Variants in ACSM5 observed in about 807,000 individuals in gnomAD.
The protein encoded by ACSM5 is acyl-coenzyme A synthetase ACSM5, mitochondrial.
ACSM5 carries 56 observed loss-of-function variants against 71.6 expected under a neutral mutation model. The observed-to-expected ratio is 0.78, with a 90% CI of 0.63 to 0.98. ACSM5 has a LOEUF of 0.98. ACSM5 is among the 50% of genes least tolerant of loss of function. The pLI is 0.00. For missense variants in ACSM5, 723 were observed against 726.0 expected (o/e 1.00, Z 0.05); for synonymous variants, 285 against 281.5 (o/e 1.01, Z -0.12).
At chr16:20,420,175 A>C (rs987724565) in intron 4 of ACSM5, among the ~76,000 whole-genome samples, 7 of 152,196 alleles carry the variant, frequency 4.6e-5, no homozygotes, top group African/African-American at 1.7e-4. Flanking sequence ...TTGAGTTATG[A>C]ATGCTCACCC....
intron 10 of ACSM5, among the ~76,000 whole-genome samples, chr16:20,431,915 A>G (rs1967107128): frequency 6.6e-6 from 1 of 151,416 alleles, no homozygotes; most frequent in Non-Finnish European, 1.5e-5. Context: ...ACTGCCCTCC[A>G]GCCTGGGTGA....
intron 2 of ACSM5, among the ~76,000 whole-genome samples, chr16:20,417,222 A>T (rs140500899): frequency 2.4e-4 from 36 of 152,298 alleles, no homozygotes; most frequent in Non-Finnish European, 4.9e-4. Flanking sequence ...AGACAATAGA[A>T]AACATGTGCT....
chr16:20,424,009 T>C lies in ACSM5; in HGVS notation c.861T>C (p.Pro287=), dbSNP rs1400276211. The part of the protein sequence containing the change: ...KAAWTLFSAW[P]NGSCIFVHEL... The stretch of plus-strand genomic sequence containing the variant: ...CCTGGACTCTCTTCTCTGCCTGGCC[T>C]AATGGATCTTGCATTTTTGTGCATG... The change falls in exon 6 of 14, where the codon CCT becomes CCC. Residue 287 remains proline (P), a synonymous_variant. Transcript: ENST00000331849. 3.1e-6 allele frequency: 5 copies of C among 1,614,098 alleles called. No homozygotes were observed. The highest frequency in any genetic ancestry group is 1.3e-5 in the African/African-American group (1 of 74,942).
At position 20,423,896 on chromosome 16, in the gene ACSM5, C is replaced by T. The variant is rs374036350; in HGVS notation, c.768-20C>T. On this transcript the variant is annotated intron_variant, in intron 5 of 13. Transcript: ENST00000331849. Reference sequence around the variant, plus strand: ...GTAGAGTCATTGCCAAGGTTACTGACGTTCTCTAATTTTTGGCAGACGGTG... The same window carrying T: ...GTAGAGTCATTGCCAAGGTTACTGATGTTCTCTAATTTTTGGCAGACGGTG... 26 of 1,613,276 alleles carry T rather than the reference C, an allele frequency of 1.6e-5. No individual in the cohort carries two copies. In the South Asian group the frequency reaches 1.8e-4, roughly 11 times the overall value.
intron 2 of ACSM5, among the ~76,000 whole-genome samples, chr16:20,415,374 C>T (rs1466562353): frequency 1.3e-5 from 2 of 152,164 alleles, no homozygotes; most frequent in African/African-American, 4.8e-5. Flanking sequence ...GACAAAGTTC[C>T]TCAGTTCCTT....
rs138216523 is a variant in ACSM5, at chr16:20,421,336, C to A, written c.702C>A (p.Thr234=). 6.5e-5 allele frequency: 105 copies of A among 1,609,566 alleles called. No individual in the cohort carries two copies. Among genetic ancestry groups the A allele is most frequent in the Non-Finnish European group, 8.7e-5 (103 of 1,177,796 alleles). The part of the protein sequence containing the change: ...PLAIYFTSGT[T]GAPKMVEHSQ... ...CCATCTACTTTACCAGCGGAACCAC[C>A]GGGGCCCCCAAGATGGTCGAGCACT... Residue 234 remains threonine, a synonymous_variant, in exon 5 of 14, where the codon ACC becomes ACA. Coordinates refer to ENST00000331849, the MANE Select transcript of ACSM5 (RefSeq NM_017888.3).
At position 20,418,171 on chromosome 16, in the gene ACSM5, TG is replaced by T. The variant is rs746947661; in HGVS notation, c.323del (p.Gly108ValfsTer11). The T allele has an allele frequency of 1.3e-5, 21 of 1,613,364 alleles. No individual in the cohort carries two copies. In the South Asian group the frequency reaches 1.4e-4, roughly 11 times the overall value. ...GKQSRKAANV[L>X]GGACGLQPGD... ...CAGTCCAGGAAGGCAGCCAATGTGC[TG>T]GGGGGTGCATGCGGCCTGCAGCCTG... On this transcript the variant is annotated frameshift_variant, in exon 3 of 14. Transcript: ENST00000331849. LOFTEE classifies it high-confidence loss of function.
At position 20,412,487 on chromosome 16, in the gene ACSM5, C is replaced by T. The variant is rs1223359640; in HGVS notation, c.204+799C>T. 1.1e-4 allele frequency among the ~76,000 whole-genome samples: 16 copies of T among 152,290 alleles called. No homozygotes were observed. The East Asian group carries it at 1.5e-3, about 15-fold the overall frequency. ...CCTGATTTCTTTGTGTGTCTCTGTG[C>T]ATCTGCTTTCTTCTTTATTTTCCCT... On this transcript the variant is annotated intron_variant, in intron 2 of 13. Transcript: ENST00000331849.
intron 8 of ACSM5, 52 bp from the exon 9 acceptor site, chr16:20,430,941 G>C (rs1218684597): frequency 1.4e-6 from 2 of 1,412,006 alleles, no homozygotes; most frequent in Non-Finnish European, 9.8e-7. Flanking sequence ...CATGGCCCAG[G>C]AAAGAAGCTA....
chr16:20,411,578 C>T lies in ACSM5; in HGVS notation c.94C>T (p.Pro32Ser). The T allele has an allele frequency of 6.2e-7, 1 of 1,614,188 alleles. No homozygotes were observed. The highest frequency in any genetic ancestry group is 8.5e-7 in the Non-Finnish European group (1 of 1,180,028). Residue 32 changes from proline (P) to serine (S), a missense_variant, in exon 2 of 14, where the codon CCT (proline) becomes TCT (serine). Pro to Ser is a moderately conservative substitution (Grantham distance 74, BLOSUM62 -1). Transcript: ENST00000331849. ...SHGKPAPLPV[P>S]QKIVATWEAI... ...TGGGAAGCCAGCACCTCTACCTGTT[C>T]CTCAGAAGATCGTGGCCACCTGGGA...
chr16:20,427,907 G>A, intron 7 of ACSM5, 40 bp downstream of exon 7: 1 of 1,422,228 alleles, frequency 7.0e-7, no homozygotes, highest in East Asian at 2.3e-5. Context: ...GCCTAAGTAT[G>A]TGAATATATA....
chr16:20,436,740 A>G (rs1596625282), intron 10 of ACSM5, among the ~76,000 whole-genome samples: 1 of 151,966 alleles, frequency 6.6e-6, no homozygotes, highest in Non-Finnish European at 1.5e-5. Context: ...TGTCCTAAAA[A>G]CCACAGCCAG....
In ACSM5 at chr16:20,411,589, C is replaced by T. The variant is rs761085728; in HGVS notation, c.105C>T (p.Ile35=). Reference sequence around the variant, plus strand: ...CACCTCTACCTGTTCCTCAGAAGATCGTGGCCACCTGGGAAGCCATCAGCC... The same window carrying T: ...CACCTCTACCTGTTCCTCAGAAGATTGTGGCCACCTGGGAAGCCATCAGCC... ...KPAPLPVPQK[I]VATWEAISLG... Residue 35 remains isoleucine, a synonymous_variant, in exon 2 of 14, where the codon ATC becomes ATT. Coordinates refer to ENST00000331849, the MANE Select transcript of ACSM5 (RefSeq NM_017888.3). 7.4e-6 allele frequency: 12 copies of T among 1,613,992 alleles called. No homozygotes were observed. Among genetic ancestry groups the T allele is most frequent in the South Asian group, 3.3e-5 (3 of 91,078 alleles).
chr16:20,418,336 A>T, intron 3 of ACSM5, 67 bp downstream of exon 3: 1 of 1,474,656 alleles, frequency 6.8e-7, no homozygotes, highest in Non-Finnish European at 9.2e-7. Flanking sequence ...TGCAGTGTCC[A>T]CAGGGTCTTG....
In ACSM5 at chr16:20,438,954, TAAAAA is replaced by T. The variant is rs1275195181; in HGVS notation, c.1537-826_1537-822del. 1.1e-3 allele frequency among the ~76,000 whole-genome samples: 102 copies of T among 92,678 alleles called. 1 individual carries two copies. Among genetic ancestry groups the T allele is most frequent in the Non-Finnish European group, 1.1e-3 (53 of 49,848 alleles). 60.8% of individuals were successfully genotyped at this position (92,678 alleles called of 152,430 possible). On this transcript the variant is annotated intron_variant, in intron 12 of 13. Transcript: ENST00000331849. The stretch of plus-strand genomic sequence containing the variant: ...TGGGCGACAGGGTGAGACTCTGTCT[TAAAAA>T]AAAAAAAAAAAAAAAAAAAGTGTCC...
intron 4 of ACSM5, among the ~76,000 whole-genome samples, chr16:20,420,461 G>C (rs1166576144): frequency 6.6e-6 from 1 of 152,200 alleles, no homozygotes; most frequent in Non-Finnish European, 1.5e-5. Context: ...TTAGCTGGGC[G>C]TGGTGGCGCA....
At chr16:20,435,366 C>G (rs1967171610) in intron 10 of ACSM5, among the ~76,000 whole-genome samples, 1 of 152,168 alleles carries the variant, frequency 6.6e-6, no homozygotes, top group Non-Finnish European at 1.5e-5. Context: ...TTTATATCTT[C>G]TTTAATGTTG....
At chr16:20,427,065 G>C (rs1394945654) in intron 6 of ACSM5, among the ~76,000 whole-genome samples, 1 of 151,642 alleles carries the variant, frequency 6.6e-6, no homozygotes, top group Non-Finnish European at 1.5e-5. Flanking sequence ...CACTTTGGGA[G>C]GCCAAGGCGG....
In ACSM5 at chr16:20,412,016, A is replaced by T. The variant is rs1596609637; in HGVS notation, c.204+328A>T. The T allele has an allele frequency of 8.9e-6, 3 of 337,280 alleles. No homozygotes were observed. In the East Asian group the frequency reaches 2.2e-4, roughly 25 times the overall value. The allele number at this position is 337,280 out of a possible 1,614,324, so 20.9% of individuals were successfully genotyped here. Reference sequence around the variant, plus strand: ...TTGTTTTGCTGCTACTCTGTCTTTGATGTTTTTCTCTCACTGTCACGCCCT... The same window carrying T: ...TTGTTTTGCTGCTACTCTGTCTTTGTTGTTTTTCTCTCACTGTCACGCCCT... On this transcript the variant is annotated intron_variant, in intron 2 of 13. Transcript: ENST00000331849.
Sources: gnomAD v4.1 joint callset for allele counts (sites outside exome capture counted in the v4.1 genomes callset) on GRCh38, gnomAD v4.1.1 for gene constraint, MANE v1.5 for transcripts, NCBI Gene and HGNC (gene_info 2026-07-23, HGNC 2026-07-21) for gene names.